The following PGAP6 variants were observed in gnomAD, a reference collection of about 807,000 sequenced individuals.
PGAP6 encodes the protein post-GPI attachment to proteins factor 6.
Under a neutral mutation model 68.4 loss-of-function variants are expected in PGAP6, and 62 were observed. The observed-to-expected ratio is 0.91, with a 90% CI of 0.74 to 1.12. The LOEUF (loss-of-function observed/expected upper bound fraction) is 1.12. PGAP6 is among the 50% of genes most tolerant of loss of function. The pLI is 0.00. For synonymous variants in PGAP6, 575 were observed against 474.0 expected (o/e 1.21, Z -2.77); for missense variants, 1,188 against 1,068.5 (o/e 1.11, Z -1.56).
chr16:372,702 ACCAGTGTAC>A lies in PGAP6; in HGVS notation c.1919_1927del (p.Gly640_Leu642del). On this transcript the variant is annotated inframe_deletion, in exon 12 of 13. Transcript: ENST00000431232. ...GTCCAGCTGCAAGGACATGGCGATGACCAGTGTACCCAGAAGAAACAGCACCTGCGCAAG... is the reference window on the plus strand; with the variant it reads ...GTCCAGCTGCAAGGACATGGCGATGACCAGAAGAAACAGCACCTGCGCAAG... 1 of 1,611,940 alleles carries A rather than the reference ACCAGTGTAC, an allele frequency of 6.2e-7. No homozygotes were observed. The highest frequency in any genetic ancestry group is 8.5e-7 in the Non-Finnish European group (1 of 1,179,490).
chr16:375,548 T>TTC lies in PGAP6; in HGVS notation c.1225-114_1225-113insGA, dbSNP rs1555491249. On this transcript the variant is annotated intron_variant, in intron 6 of 12. Coordinates refer to ENST00000431232, the MANE Select transcript of PGAP6 (RefSeq NM_021259.3). Reference sequence around the variant, plus strand: ...TGGTGCCTTTCTTTTTTTTTTTTTTTCTGAGATGGAGTCTTGCTCTGTCGC... The same window carrying TTC: ...TGGTGCCTTTCTTTTTTTTTTTTTTTTCCTGAGATGGAGTCTTGCTCTGTCGC... The TTC allele has an allele frequency of 1.3e-3, 1,138 of 857,300 alleles. 8 individuals carry two copies. The African/African-American group carries it at 0.017, about 13-fold the overall frequency. The allele number at this position is 857,300 out of a possible 1,614,324, so 53.1% of individuals were successfully genotyped here.
chr16:372,017 G>A lies in PGAP6; in HGVS notation c.2286C>T (p.Asn762=), dbSNP rs749694930. Residue 762 remains asparagine, a synonymous_variant, in exon 13 of 13, where the codon AAC becomes AAT. Coordinates refer to ENST00000431232, the MANE Select transcript of PGAP6 (RefSeq NM_021259.3). ...KFPCHYQICK[N]DREELYAVT is the part of the protein sequence containing the mutation. ...TCACTGCGTACAGTTCCTCCCGATC[G>A]TTCTTGCAGATCTGATAGTGGCAGG... is the stretch of plus-strand genomic sequence containing the variant. The A allele has an allele frequency of 9.9e-6, 16 of 1,612,708 alleles. No homozygotes were observed. Among genetic ancestry groups the A allele is most frequent in the Non-Finnish European group, 1.3e-5 (15 of 1,179,870 alleles).
chr16:383,511 ACATTCAAAT>A (rs1318111539), upstream of PGAP6: 1 of 151,804 alleles, frequency 6.6e-6, no homozygotes, highest in Non-Finnish European at 1.5e-5. Context: ...GGCCGGTGGG[ACATTCAAAT>A]CATTCATACG....
chr16:381,679 G>A (rs1050395235), intron 1 of PGAP6, 22 bp downstream of exon 1: 13 of 1,191,770 alleles, frequency 1.1e-5, no homozygotes, highest in Admixed American at 4.5e-5. Flanking sequence ...CGCCCCCGAT[G>A]GCGCCCGCGC....
At chr16:379,905 G>A (rs1279084024) in intron 1 of PGAP6, among the ~76,000 whole-genome samples, 2 of 152,230 alleles carry the variant, frequency 1.3e-5, no homozygotes, top group African/African-American at 4.8e-5. Flanking sequence ...ACAGCCCCCT[G>A]CCTGCCCCAC....
At position 374,061 on chromosome 16, in the gene PGAP6, C is replaced by T. The variant is rs1309249245; in HGVS notation, c.1846G>A (p.Ala616Thr). 1 of 1,611,994 alleles carries T rather than the reference C, an allele frequency of 6.2e-7. No homozygotes were observed. The highest frequency in any genetic ancestry group is 8.5e-7 in the Non-Finnish European group (1 of 1,179,944). The change falls in exon 11 of 13, where the codon GCG becomes ACG. Residue 616 changes from alanine to threonine, a missense_variant. Ala to Thr is a moderately conservative substitution (Grantham distance 58). Coordinates refer to ENST00000431232, the MANE Select transcript of PGAP6 (RefSeq NM_021259.3). ...LQYCDFLGSG[A>T]AIWVTILCMA... is the part of the protein sequence containing the mutation. The stretch of plus-strand genomic sequence containing the variant: ...CACAGGATGGTGACCCAGATGGCCG[C>T]CCCGGAGCCCAAGAAGTCGCAGTAC...
rs370609325 is a variant in PGAP6 at position 372,759 on chromosome 16, G to A, written c.1903-32C>T. The A allele has an allele frequency of 5.4e-5, 81 of 1,513,886 alleles. 1 individual carries two copies. Among genetic ancestry groups the A allele is most frequent in the Middle Eastern group, 1.7e-4 (1 of 5,794 alleles). The allele number at this position is 1,513,886 out of a possible 1,614,324, so 93.8% of individuals were successfully genotyped here. A position where few individuals can be genotyped will look rare whatever the true frequency, so the allele number is the denominator to read the frequency against. ...AAGACACAGGGATGACTGCAGGGAC[G>A]TCTCTGAGGGCTCAAGGCCCAGCAG... On this transcript the variant is annotated intron_variant, in intron 11 of 12. Coordinates refer to ENST00000431232, the MANE Select transcript of PGAP6 (RefSeq NM_021259.3).
chr16:374,658 T>A (rs2054364744), intron 9 of PGAP6, 98 bp downstream of exon 9: 3 of 1,511,176 alleles, frequency 2.0e-6, no homozygotes, highest in African/African-American at 1.4e-5. Context: ...AGGGTCTCTC[T>A]CCAGCCCCTT....
rs1259850618 is a variant in PGAP6 at position 376,641 on chromosome 16, C to T, written c.807G>A (p.Leu269=). 2 of 1,606,602 alleles carry T rather than the reference C, an allele frequency of 1.2e-6. No homozygotes were observed. The highest frequency in any genetic ancestry group is 1.7e-6 in the Non-Finnish European group (2 of 1,176,810). The part of the protein sequence containing the change: ...TGAPWPCRLL[L]PSPPWDRWLQ... ...GCCACCGGTCCCAGGGCGGTGAGGG[C>T]AGCAGCAGGCGGCAGGGCCAGGGGG... Residue 269 remains leucine, a synonymous_variant, in exon 5 of 13, where the codon CTG becomes CTA. Transcript: ENST00000431232.
Position 376,673 on chromosome 16 carries a change from T to C in PGAP6, c.775A>G (p.Thr259Ala), listed in dbSNP as rs762778578. The C allele has an allele frequency of 6.2e-7, 1 of 1,610,926 alleles. No homozygotes were observed. Among genetic ancestry groups the C allele is most frequent in the Non-Finnish European group, 8.5e-7 (1 of 1,179,404 alleles). Residue 259 changes from threonine to alanine, a missense_variant, in exon 5 of 13, where the codon ACC becomes GCC. Coordinates refer to ENST00000431232, the MANE Select transcript of PGAP6 (RefSeq NM_021259.3). ...PSNFQKVLTC[T>A]GAPWPCRLLL... ...AGGCGGCAGGGCCAGGGGGCACCGG[T>C]GCAGGTGAGCACCTTCTGGAAGTTG... is the stretch of plus-strand genomic sequence containing the variant.
chr16:381,889 C>G lies in PGAP6; in HGVS notation c.-68G>C. The G allele has an allele frequency of 1.0e-6, 1 of 972,066 alleles. No homozygotes were observed. Among genetic ancestry groups the G allele is most frequent in the South Asian group, 4.6e-5 (1 of 21,782 alleles). The allele number at this position is 972,066 out of a possible 1,614,324, so 60.2% of individuals were successfully genotyped here. ...CCGCCGGCCCCCGCCGCCGCCCGGG[C>G]AGCCTCTGCCGCCTCCGCCTCTGCC... is the stretch of plus-strand genomic sequence containing the variant. On this transcript the variant is annotated 5_prime_UTR_variant, in exon 1 of 13. Transcript: ENST00000431232.
intron 11 of PGAP6, 108 bp downstream of exon 11, chr16:373,897 G>T: frequency 1.5e-6 from 2 of 1,354,252 alleles, no homozygotes; most frequent in Non-Finnish European, 2.0e-6. Flanking sequence ...GTTTCCAGGG[G>T]CCGTGCCCAA....
chr16:384,818 T>C (rs2054470794), upstream of PGAP6, among the ~76,000 whole-genome samples: 1 of 144,782 alleles, frequency 6.9e-6, no homozygotes, highest in South Asian at 2.2e-4. Flanking sequence ...ATTGCGCCAC[T>C]GCACTCCAGC....
At chr16:378,330 CCGCACTGCCATCGCCACT>C (rs1567325814) in intron 1 of PGAP6, among the ~76,000 whole-genome samples, 21 of 131,158 alleles carry the variant, frequency 1.6e-4, no homozygotes, top group South Asian at 3.3e-4. Context: ...CCATCGCCAC[CCGCACTGCCATCGCCACT>C]CTGACTGCCA....
intron 11 of PGAP6, among the ~76,000 whole-genome samples, chr16:372,969 G>A (rs180880774): frequency 4.1e-4 from 62 of 152,280 alleles, no homozygotes; most frequent in Admixed American, 3.6e-3. Context: ...GGGATTAGAC[G>A]ATGCTCACAC....
At chr16:380,019 C>A (rs1034900143) in intron 1 of PGAP6, among the ~76,000 whole-genome samples, 1 of 152,198 alleles carries the variant, frequency 6.6e-6, no homozygotes, top group Non-Finnish European at 1.5e-5. Flanking sequence ...TCCTCCAAAC[C>A]GGGACAGGCA....
Position 376,409 on chromosome 16 carries a change from G to A in PGAP6, c.951C>T (p.Ser317=), listed in dbSNP as rs777215989. Residue 317 remains serine, a synonymous_variant, in exon 6 of 13, where the codon AGC becomes AGT. Coordinates refer to ENST00000431232, the MANE Select transcript of PGAP6 (RefSeq NM_021259.3). ...AGGAGGCATTGAAGCTCTGGTTTTG[G>A]CTGCTCTGCAGAAGGGGCTGGATGG... The part of the protein sequence containing the change: ...SVTIQPLLQS[S]QNQSFNASSG... The A allele has an allele frequency of 6.3e-7, 1 of 1,599,512 alleles. No homozygotes were observed. Among genetic ancestry groups the A allele is most frequent in the African/African-American group, 1.3e-5 (1 of 74,872 alleles).
In PGAP6 at chr16:381,918, T is replaced by C; in HGVS notation, c.-97A>G. ...CTCTGCCGCCTCCGCCTCTGCCGCC[T>C]CCGCCTCTGCCCCCGGCGCCCATGG... On this transcript the variant is annotated 5_prime_UTR_variant, in exon 1 of 13. Coordinates refer to ENST00000431232, the MANE Select transcript of PGAP6 (RefSeq NM_021259.3). 1 of 349,724 alleles carries C rather than the reference T, an allele frequency of 2.9e-6. No individual in the cohort carries two copies. The highest frequency in any genetic ancestry group is 3.6e-6 in the Non-Finnish European group (1 of 274,938). 21.7% of individuals were successfully genotyped at this position (349,724 alleles called of 1,614,324 possible).
upstream of PGAP6, among the ~76,000 whole-genome samples, chr16:385,558 G>A (rs57512362): frequency 0.48 from 60,602 of 125,146 alleles, 16,995 homozygotes; most frequent in African/African-American, 0.76. Context: ...TGATCCGCCC[G>A]CCTCGGCCTC....
Sources: gnomAD v4.1 joint callset for allele counts (sites outside exome capture counted in the v4.1 genomes callset) on GRCh38, gnomAD v4.1.1 for gene constraint, MANE v1.5 for transcripts, NCBI Gene and HGNC (gene_info 2026-07-23, HGNC 2026-07-21) for gene names.